TERF2: variants seen among roughly 807,000 people sequenced by gnomAD.
TERF2 encodes the protein telomeric repeat binding factor 2.
TERF2 carries 16 observed loss-of-function variants against 56.1 expected under a neutral mutation model. That is an observed-to-expected ratio of 0.29 (90% CI 0.19 to 0.43). The LOEUF (loss-of-function observed/expected upper bound fraction) is 0.43. Ranked by LOEUF, TERF2 falls within the 20% of genes least tolerant of loss-of-function variation. The pLI is 1.00. For synonymous variants in TERF2, 296 were observed against 282.1 expected (o/e 1.05, Z -0.50); for missense variants, 547 against 712.9 (o/e 0.77, Z 2.65).
intron 3 of TERF2, 135 bp from the exon 4 acceptor site, chr16:69,372,490 C>T (rs956683879): frequency 5.1e-5 from 28 of 554,186 alleles, no homozygotes; most frequent in Non-Finnish European, 6.9e-5. Flanking sequence ...AAGCCAGGCG[C>T]GGTGGCTCAC....
chr16:69,384,532 A>C (rs1307293885), intron 3 of TERF2, 48 bp downstream of exon 3: 1 of 1,595,580 alleles, frequency 6.3e-7, no homozygotes, highest in Non-Finnish European at 8.5e-7. Flanking sequence ...ATCCTCAAAG[A>C]CCCTTGATTT....
At chr16:69,374,123 T>C (rs1175951345) in intron 3 of TERF2, among the ~76,000 whole-genome samples, 14 of 152,228 alleles carry the variant, frequency 9.2e-5, no homozygotes. Context: ...CAGAAAAACA[T>C]ATGCTCAAAC....
intron 5 of TERF2, chr16:69,368,687 T>C (rs2013444964): frequency 6.4e-6 from 8 of 1,246,350 alleles, no homozygotes; most frequent in Non-Finnish European, 1.1e-6. Context: ...AACTAATACA[T>C]TTTTTTTGAG....
rs1276016379 is a variant in TERF2, at chr16:69,382,506, A to C, written c.606+2074T>G. Among the ~76,000 whole-genome samples, 4 of 152,220 alleles carry C rather than the reference A, an allele frequency of 2.6e-5. No individual in the cohort carries two copies. In the East Asian group the frequency reaches 5.8e-4, roughly 22 times the overall value. ...TCTTGCGGAGTCCCATTCACACTCT[A>C]CCAGAGTGAGTCTAGTCTGTATGAC... On this transcript the variant is annotated intron_variant, in intron 3 of 9. Transcript: ENST00000254942.
At chr16:69,366,605 C>A in intron 7 of TERF2, 1 of 625,012 alleles carries the variant, frequency 1.6e-6, no homozygotes, top group South Asian at 2.5e-5. Context: ...TAGTGCAAGG[C>A]TTGGAAGCCC....
chr16:69,370,801 T>C (rs2013540906), intron 4 of TERF2, among the ~76,000 whole-genome samples, 172 bp from the exon 5 acceptor site: 1 of 152,162 alleles, frequency 6.6e-6, no homozygotes, highest in South Asian at 2.1e-4. Context: ...TAAATCAGGT[T>C]CAGCCACAGT....
In TERF2 at chr16:69,356,046, C is replaced by A; in HGVS notation, c.*852G>T. The A allele has an allele frequency of 2.7e-6, 1 of 367,862 alleles. No individual in the cohort carries two copies. The allele number at this position is 367,862 out of a possible 1,614,324, so 22.8% of individuals were successfully genotyped here. On this transcript the variant is annotated 3_prime_UTR_variant, in exon 10 of 10. Coordinates refer to ENST00000254942, the MANE Select transcript of TERF2 (RefSeq NM_005652.5). ...ACAGCAAATGCCAAGGCAGACAGGT[C>A]TAGGGTTGATGTCACGACTGGCTAA...
intron 3 of TERF2, 56 bp downstream of exon 3, chr16:69,384,524 C>T (rs1366587132): frequency 7.6e-6 from 12 of 1,582,448 alleles, no homozygotes; most frequent in East Asian, 2.2e-5. Context: ...AGTGCTGTAT[C>T]CTCAAAGACC....
At chr16:69,381,858 T>G (rs1357434306) in intron 3 of TERF2, among the ~76,000 whole-genome samples, 1 of 152,192 alleles carries the variant, frequency 6.6e-6, no homozygotes, top group African/African-American at 2.4e-5. Flanking sequence ...TTCATCCAGT[T>G]TTTGCTGCTT....
chr16:69,358,308 C>A (rs1045485736), intron 8 of TERF2, among the ~76,000 whole-genome samples: 2 of 151,926 alleles, frequency 1.3e-5, no homozygotes, highest in African/African-American at 4.8e-5. Flanking sequence ...CCACCGTGCC[C>A]GGCTAATTTT....
chr16:69,359,769 T>G (rs191840684), intron 8 of TERF2, among the ~76,000 whole-genome samples: 1 of 147,588 alleles, frequency 6.8e-6, no homozygotes, highest in African/African-American at 2.5e-5. Context: ...TACAGGCGCC[T>G]GCCACCACAC....
At chr16:69,364,199 G>C (rs557751472) in intron 7 of TERF2, among the ~76,000 whole-genome samples, 1 of 152,174 alleles carries the variant, frequency 6.6e-6, no homozygotes, top group East Asian at 1.9e-4. Flanking sequence ...ATACAAGATT[G>C]GGGCATGGTG....
chr16:69,370,259 G>C, intron 5 of TERF2: 1 of 531,826 alleles, frequency 1.9e-6, no homozygotes, highest in South Asian at 3.1e-5. Flanking sequence ...TCGAACTCCT[G>C]ACCTCAGGTG....
intron 8 of TERF2, 139 bp from the exon 9 acceptor site, chr16:69,357,700 G>A: frequency 2.0e-6 from 2 of 986,732 alleles, no homozygotes. Context: ...TATCACTAAA[G>A]GATAATTTAC....
chr16:69,360,499 T>C (rs2013094118), intron 8 of TERF2, among the ~76,000 whole-genome samples: 1 of 151,320 alleles, frequency 6.6e-6, no homozygotes, highest in Non-Finnish European at 1.5e-5. Flanking sequence ...AGCCCAGGAG[T>C]TCGAGATCAT....
At chr16:69,360,281 A>T (rs952909151) in intron 8 of TERF2, among the ~76,000 whole-genome samples, 1 of 151,916 alleles carries the variant, frequency 6.6e-6, no homozygotes, top group East Asian at 1.9e-4. Context: ...GCTACTAAGG[A>T]GGCTGAGTCA....
At chr16:69,365,875 G>A (rs1407790735) in intron 7 of TERF2, 1 of 152,178 alleles carries the variant, frequency 6.6e-6, no homozygotes, top group Non-Finnish European at 1.5e-5. Flanking sequence ...TGGTATACAG[G>A]CCATGGGCTT....
Position 69,368,458 on chromosome 16 carries a change from C to A in TERF2, c.865G>T (p.Glu289Ter). Residue 289 changes from glutamate (E) to a stop codon, truncating the protein, a stop_gained, in exon 6 of 10, where the codon GAG (glutamate) becomes TAG (stop). Transcript: ENST00000254942. LOFTEE classifies it high-confidence loss of function. ...TTCCCTGTACTTGAGGCAGCGGACT[C>A]AGATTTCAAAGCCTTTTTGGCCATC... is the stretch of plus-strand genomic sequence containing the variant. ...LTMAKKALKSESAASSTGKED... is the reference protein window; with the variant it reads ...LTMAKKALKS The A allele has an allele frequency of 6.2e-7, 1 of 1,614,132 alleles. No homozygotes were observed. Among genetic ancestry groups the A allele is most frequent in the Non-Finnish European group, 8.5e-7 (1 of 1,180,024 alleles).
chr16:69,365,373 CA>C (rs1165743338), intron 7 of TERF2: 2 of 152,276 alleles, frequency 1.3e-5, no homozygotes, highest in Non-Finnish European at 2.9e-5. Context: ...TCAGATGCCA[CA>C]GCCCTTTGGG....
Sources: gnomAD v4.1 joint callset for allele counts (sites outside exome capture counted in the v4.1 genomes callset) on GRCh38, gnomAD v4.1.1 for gene constraint, MANE v1.5 for transcripts, NCBI Gene and HGNC (gene_info 2026-07-23, HGNC 2026-07-21) for gene names.